Variants in ECHDC2 observed in about 807,000 individuals in gnomAD.
ECHDC2 encodes the protein enoyl-CoA hydratase domain containing 2.
In ECHDC2, 34 loss-of-function variants were observed where a neutral mutation model predicts 40.6. That is an observed-to-expected ratio of 0.84 (90% CI 0.64 to 1.11). ECHDC2 has a LOEUF of 1.11. Ranked by LOEUF, ECHDC2 falls within the 50% of genes most tolerant of loss-of-function variation. The pLI is 0.00. For synonymous variants in ECHDC2, 162 were observed against 166.6 expected, an observed-to-expected ratio of 0.97 and a Z score of 0.21; for missense variants, 392 against 400.7, an observed-to-expected ratio of 0.98 and a Z score of 0.19.
chr1:52,921,133 T>C (rs1038827181), intron 1 of ECHDC2, among the ~76,000 whole-genome samples: 1 of 152,170 alleles, frequency 6.6e-6, no homozygotes, highest in Non-Finnish European at 1.5e-5. Flanking sequence ...AGAGGCACCC[T>C]CCTCACTCTG....
intron 9 of ECHDC2, chr1:52,897,229 CAGT>C (rs1646694399): frequency 1.6e-6 from 1 of 606,814 alleles, no homozygotes; most frequent in African/African-American, 1.8e-5. Flanking sequence ...GGATGAACCC[CAGT>C]ACATTAGATG....
chr1:52,896,733 T>G (rs1050240885), intron 9 of ECHDC2, 136 bp from the exon 10 acceptor site: 2 of 710,548 alleles, frequency 2.8e-6, no homozygotes, highest in Non-Finnish European at 4.8e-6. Flanking sequence ...TCTTGAGGCA[T>G]GCAAAGGTAT....
rs375180286 is a variant in ECHDC2, at chr1:52,910,589, G to A, written c.277+977C>T. 6.4e-4 allele frequency among the ~76,000 whole-genome samples: 97 copies of A among 151,676 alleles called. No homozygotes were observed. In the East Asian group the frequency reaches 0.017, roughly 27 times the overall value. Reference sequence around the variant, plus strand: ...TCACCATATTGGTCAGGATGGTCTCGAACTCCTGACCTCAGGTGATCCACA... The same window carrying A: ...TCACCATATTGGTCAGGATGGTCTCAAACTCCTGACCTCAGGTGATCCACA... On this transcript the variant is annotated intron_variant, in intron 3 of 9. Coordinates refer to ENST00000371522, the MANE Select transcript of ECHDC2 (RefSeq NM_001198961.2).
chr1:52,896,506 G>A lies in ECHDC2; in HGVS notation c.*14C>T. ...CAGGGCATGCATCTCCCATGCTGAA[G>A]GTTAAAATGGGGGTCATTTGCCAAC... is the stretch of plus-strand genomic sequence containing the variant. On this transcript the variant is annotated 3_prime_UTR_variant, in exon 10 of 10. Transcript: ENST00000371522. 6.2e-7 allele frequency: 1 copy of A among 1,610,042 alleles called. No individual in the cohort carries two copies. Among genetic ancestry groups the A allele is most frequent in the South Asian group, 1.1e-5 (1 of 90,996 alleles).
chr1:52,897,694 G>T, intron 8 of ECHDC2: 1 of 618,268 alleles, frequency 1.6e-6, no homozygotes, highest in South Asian at 1.9e-5. Flanking sequence ...CAGAGAAGAG[G>T]AGTTCTCCTT....
intron 1 of ECHDC2, among the ~76,000 whole-genome samples, chr1:52,917,284 T>C (rs896054459): frequency 6.6e-6 from 1 of 150,532 alleles, no homozygotes. Context: ...TTAACAACAC[T>C]TTACTATACA....
Position 52,911,605 on chromosome 1 carries a change from GGACAC to G in ECHDC2, c.233_237del (p.Arg78ProfsTer25). On this transcript the variant is annotated frameshift_variant, in exon 3 of 10. Transcript: ENST00000371522. LOFTEE classifies it high-confidence loss of function. ...CCCTTCACTCCACTTCTGAAGAGCA[GGACAC>G]GCACTTGCCGGTCCTCCCGCAGCTG... The G allele has an allele frequency of 6.2e-7, 1 of 1,614,160 alleles. No homozygotes were observed.
intron 1 of ECHDC2, 55 bp downstream of exon 1, chr1:52,921,498 T>G (rs1454959323): frequency 7.1e-6 from 11 of 1,559,716 alleles, no homozygotes; most frequent in Non-Finnish European, 9.5e-6. Context: ...GGTCCCCCGC[T>G]GCCTCCGGCC....
At chr1:52,912,122 A>G (rs1649672038) in intron 1 of ECHDC2, 1 of 1,007,238 alleles carries the variant, frequency 9.9e-7, no homozygotes, top group African/African-American at 1.6e-5. Flanking sequence ...ACACAAGCAC[A>G]CATGCACCCA....
Position 52,919,386 on chromosome 1 carries a change from C to T in ECHDC2, c.121+2167G>A, listed in dbSNP as rs762555465. Among the ~76,000 whole-genome samples the T allele has an allele frequency of 1.4e-4, 21 of 152,170 alleles. 1 individual carries two copies. Among genetic ancestry groups the T allele is most frequent in the Admixed American group, 1.2e-3 (18 of 15,272 alleles). On this transcript the variant is annotated intron_variant, in intron 1 of 9. Transcript: ENST00000371522. ...CACATTTACCATTGTGTTACAGTTG[C>T]CTACAGTATTCAGCCCGGTACCATG...
In ECHDC2 at chr1:52,914,661, T is replaced by C. The variant is rs953552226; in HGVS notation, c.122-2871A>G. Reference sequence around the variant, plus strand: ...TGCCTACTTGATATCTCAACTGGTATGTCCTGCTCCATTGATGAGCCAATG... The same window carrying C: ...TGCCTACTTGATATCTCAACTGGTACGTCCTGCTCCATTGATGAGCCAATG... On this transcript the variant is annotated intron_variant, in intron 1 of 9. Coordinates refer to ENST00000371522, the MANE Select transcript of ECHDC2 (RefSeq NM_001198961.2). The surrounding 1 kb of genome is among the most constrained non-coding windows in gnomAD (Gnocchi z 4.0). 5.3e-5 allele frequency among the ~76,000 whole-genome samples: 8 copies of C among 152,162 alleles called. No homozygotes were observed. Among genetic ancestry groups the C allele is most frequent in the African/African-American group, 1.9e-4 (8 of 41,428 alleles).
intron 1 of ECHDC2, among the ~76,000 whole-genome samples, chr1:52,918,358 TAAA>T (rs536606545): frequency 2.4e-5 from 3 of 124,552 alleles, no homozygotes; most frequent in African/African-American, 2.9e-5. Flanking sequence ...TCCTACTTAT[TAAA>T]AAAAAAAAAA....
intron 4 of ECHDC2, 130 bp from the exon 5 acceptor site, chr1:52,906,741 A>C: frequency 1.7e-6 from 1 of 577,412 alleles, no homozygotes; most frequent in Non-Finnish European, 3.0e-6. Context: ...ATTACATGGA[A>C]CCTCAGCCAG....
At chr1:52,907,835 AC>A (rs1557497036) in intron 4 of ECHDC2, 32 bp downstream of exon 4, 1 of 1,571,610 alleles carries the variant, frequency 6.4e-7, no homozygotes, top group Admixed American at 1.7e-5. Context: ...GGACCCCCAA[AC>A]CCCCTCCTCC....
chr1:52,913,551 G>A (rs1290729056), intron 1 of ECHDC2: 1 of 152,136 alleles, frequency 6.6e-6, no homozygotes, highest in Non-Finnish European at 1.5e-5. Context: ...CCACTTGATC[G>A]TTTTCTGCTT....
Position 52,921,547 on chromosome 1 carries a change from A to G in ECHDC2, c.121+6T>C, listed in dbSNP as rs778156403. 2.1e-4 allele frequency: 343 copies of G among 1,609,002 alleles called. No homozygotes were observed. The highest frequency in any genetic ancestry group is 2.6e-4 in the Non-Finnish European group (311 of 1,178,394). On this transcript the variant is annotated splice_donor_region_variant and intron_variant, in intron 1 of 9. Transcript: ENST00000371522. ...GTCATGCGCCGCCCCGGAACTGCACATTTACCTTGGTCCGGACCCGCCAGG... is the reference window on the plus strand; with the variant it reads ...GTCATGCGCCGCCCCGGAACTGCACGTTTACCTTGGTCCGGACCCGCCAGG...
chr1:52,913,840 A>T, intron 1 of ECHDC2: 1 of 857,252 alleles, frequency 1.2e-6, no homozygotes, highest in South Asian at 2.5e-5. Context: ...ACACAGATGC[A>T]TAATGACACG....
chr1:52,898,587 G>T, intron 8 of ECHDC2: 1 of 158,600 alleles, frequency 6.3e-6, no homozygotes, highest in Non-Finnish European at 1.4e-5. Context: ...AACCTTTCTG[G>T]GGTGTCAGCG....
chr1:52,913,923 A>G, intron 1 of ECHDC2: 2 of 1,159,762 alleles, frequency 1.7e-6, no homozygotes, highest in Non-Finnish European at 2.2e-6. Context: ...GCACTCCTTC[A>G]CTGCTTCTCT....
Sources: allele counts gnomAD v4.1 joint callset (sites outside exome capture counted in the v4.1 genomes callset), GRCh38; gene constraint gnomAD v4.1.1; non-coding constraint Gnocchi (gnomAD v3.1); transcripts MANE v1.5; gene names NCBI Gene and HGNC (gene_info 2026-07-23, HGNC 2026-07-21).